Variants in KIF1B observed in about 807,000 individuals in gnomAD.
KIF1B encodes kinesin-like protein KIF1B.
In KIF1B, 76 loss-of-function variants were observed where a neutral mutation model predicts 241.9. The observed-to-expected ratio is 0.31, with a 90% confidence interval of 0.26 to 0.38. KIF1B has a LOEUF of 0.38. Ranked by LOEUF, KIF1B falls within the 10% of genes least tolerant of loss-of-function variation. KIF1B has a pLI of 1.00. For missense variants in KIF1B, 1,622 were observed against 2,271.4 expected (o/e 0.71, Z 5.81); for synonymous variants, 750 against 796.7 (o/e 0.94, Z 0.99).
chr1:10,343,624 G>A (rs1652481001), intron 34 of KIF1B, among the ~76,000 whole-genome samples: 1 of 152,166 alleles, frequency 6.6e-6, no homozygotes, highest in Admixed American at 6.5e-5. Flanking sequence ...CGGGCATGGT[G>A]GCACACGCCT....
chr1:10,289,153 G>A (rs1413629860), intron 15 of KIF1B, among the ~76,000 whole-genome samples: 1 of 151,868 alleles, frequency 6.6e-6, no homozygotes, highest in Non-Finnish European at 1.5e-5. Flanking sequence ...GCATGTGCTC[G>A]TCCCCCTTTT....
At chr1:10,283,364 G>T (rs1272044284) in intron 15 of KIF1B, among the ~76,000 whole-genome samples, 2 of 152,140 alleles carry the variant, frequency 1.3e-5, no homozygotes, top group African/African-American at 4.8e-5. Flanking sequence ...TCCTATGCTG[G>T]TACCCATGGG....
Position 10,376,574 on chromosome 1 carries a change from A to C in KIF1B, c.5438A>C (p.Gln1813Pro). Reference sequence around the variant, plus strand: ...AAGCTTTCCCGCAGATGCCCGAGCCAGTCGAAATACTAAGTGACTCTGCCG... The same window carrying C: ...AAGCTTTCCCGCAGATGCCCGAGCCCGTCGAAATACTAAGTGACTCTGCCG... ...RSKLSRRCPSQSKY is the reference protein window; with the variant it reads ...RSKLSRRCPSPSKY Residue 1813 changes from glutamine to proline, a missense_variant, in exon 49 of 49, where the codon CAG (glutamine) becomes CCG (proline). Physicochemically the swap from Gln to Pro is moderately conservative, Grantham distance 76. This residue lies in a region of KIF1B where 357 missense variants were observed against 409.0 expected (regional missense o/e 0.87). Transcript: ENST00000676179. The C allele has an allele frequency of 6.2e-7, 1 of 1,614,046 alleles. No homozygotes were observed. The highest frequency in any genetic ancestry group is 8.5e-7 in the Non-Finnish European group (1 of 1,179,914).
At chr1:10,275,895 A>G (rs1569668802) in intron 11 of KIF1B, among the ~76,000 whole-genome samples, 2 of 145,350 alleles carry the variant, frequency 1.4e-5, no homozygotes, top group South Asian at 4.3e-4. Context: ...ACTGTTCTTC[A>G]TTCACTTCTC....
At chr1:10,353,380 C>G (rs1022902716) in intron 38 of KIF1B, among the ~76,000 whole-genome samples, 1 of 152,134 alleles carries the variant, frequency 6.6e-6, no homozygotes, top group Admixed American at 6.5e-5. Context: ...ACAGACAGTT[C>G]GTAAAGTACA....
intron 14 of KIF1B, among the ~76,000 whole-genome samples, chr1:10,281,809 T>C (rs1649417894): frequency 6.6e-6 from 1 of 152,242 alleles, no homozygotes; most frequent in South Asian, 2.1e-4. Context: ...CAAATTTTGT[T>C]TTAACTGTAA....
chr1:10,279,192 C>G, intron 14 of KIF1B, 54 bp downstream of exon 14: 1 of 1,210,594 alleles, frequency 8.3e-7, no homozygotes, highest in Non-Finnish European at 1.2e-6. Context: ...TAATCTGCCT[C>G]TGCTGGATCA....
At position 10,295,777 on chromosome 1, in the gene KIF1B, C is replaced by T; in HGVS notation, c.1777+11C>T. The T allele has an allele frequency of 6.3e-7, 1 of 1,595,476 alleles. No individual in the cohort carries two copies. Among genetic ancestry groups the T allele is most frequent in the Non-Finnish European group, 8.6e-7 (1 of 1,163,560 alleles). ...GCAACAGCGGGGAAGGTGAGCATTC[C>T]TGGCTGGAGCTTCAGCAACAACATT... On this transcript the variant is annotated intron_variant, in intron 19 of 48. Coordinates refer to ENST00000676179, the MANE Select transcript of KIF1B (RefSeq NM_001365951.3).
intron 2 of KIF1B, among the ~76,000 whole-genome samples, chr1:10,241,079 T>A (rs1376237640): frequency 6.6e-6 from 1 of 152,170 alleles, no homozygotes; most frequent in Admixed American, 6.5e-5. Context: ...TATAGCATAC[T>A]ATTTTAAAAA....
At chr1:10,364,200 CTTTTTTTTTTT>C (rs779967463) in intron 41 of KIF1B, among the ~76,000 whole-genome samples, 3 of 113,864 alleles carry the variant, frequency 2.6e-5, no homozygotes, top group East Asian at 5.0e-4. Flanking sequence ...GGGACAGGAT[CTTTTTTTTTTT>C]TTTTTTTTTT....
intron 37 of KIF1B, among the ~76,000 whole-genome samples, chr1:10,350,318 G>T (rs1280387009): frequency 6.9e-6 from 1 of 145,482 alleles, no homozygotes. Flanking sequence ...CCAGCACTTT[G>T]GGAGGCCAAG....
At chr1:10,323,786 A>C in intron 24 of KIF1B, 98 bp from the exon 25 acceptor site, 1 of 955,532 alleles carries the variant, frequency 1.0e-6, no homozygotes, top group Non-Finnish European at 1.7e-6. Flanking sequence ...TTTGTTGAGC[A>C]CATTCGACCT....
intron 15 of KIF1B, among the ~76,000 whole-genome samples, chr1:10,290,120 C>T (rs7516878): frequency 2.0e-5 from 3 of 151,768 alleles, no homozygotes; most frequent in Admixed American, 6.6e-5. Context: ...AACATGTTTT[C>T]GTTCTTTTTA....
rs749729457 is a variant in KIF1B, at chr1:10,272,221, A to G, written c.799-20A>G. The G allele has an allele frequency of 2.2e-6, 3 of 1,370,578 alleles. No homozygotes were observed. The East Asian group carries it at 6.9e-5, about 31-fold the overall frequency. The allele number at this position is 1,370,578 out of a possible 1,614,324, so 84.9% of individuals were successfully genotyped here. ...AGTAGAAATTCTTCATCATTCTTTC[A>G]TATTTGGTATTTATTTTAGGAAGGA... On this transcript the variant is annotated intron_variant, in intron 8 of 48. Coordinates refer to ENST00000676179, the MANE Select transcript of KIF1B (RefSeq NM_001365951.3).
chr1:10,338,050 C>T (rs1436083046), intron 31 of KIF1B, among the ~76,000 whole-genome samples: 1 of 152,184 alleles, frequency 6.6e-6, no homozygotes, highest in Non-Finnish European at 1.5e-5. Flanking sequence ...CCGCGGCCCT[C>T]TCAAACCCTG....
At chr1:10,344,223 C>CCCATTG (rs1652506607) in intron 34 of KIF1B, among the ~76,000 whole-genome samples, 1 of 152,208 alleles carries the variant, frequency 6.6e-6, no homozygotes, top group African/African-American at 2.4e-5. Flanking sequence ...ATGAGGCTGA[C>CCCATTG]CCATTGCCGC....
intron 35 of KIF1B, 110 bp from the exon 36 acceptor site, chr1:10,347,651 A>G: frequency 2.3e-6 from 2 of 852,916 alleles, no homozygotes; most frequent in Non-Finnish European, 4.0e-6. Context: ...AAATGCCAGC[A>G]TGGGTGAGAA....
At chr1:10,234,010 A>G (rs1255813010) in intron 2 of KIF1B, among the ~76,000 whole-genome samples, 1 of 152,098 alleles carries the variant, frequency 6.6e-6, no homozygotes, top group East Asian at 1.9e-4. Flanking sequence ...ATGGCTACCA[A>G]AGAGGGTTGT....
intron 1 of KIF1B, among the ~76,000 whole-genome samples, chr1:10,223,605 G>A (rs1013037568): frequency 2.0e-5 from 3 of 147,600 alleles, no homozygotes; most frequent in African/African-American, 5.0e-5. Flanking sequence ...GGAGTGCAGT[G>A]GTGCGATCTT....
Sources: gnomAD v4.1 joint callset for allele counts (sites outside exome capture counted in the v4.1 genomes callset) on GRCh38, gnomAD v4.1.1 for gene constraint, gnomAD v4.1.1 regional missense constraint, MANE v1.5 for transcripts, NCBI Gene and HGNC (gene_info 2026-07-23, HGNC 2026-07-21) for gene names.